PRSS56: variants seen among roughly 807,000 people sequenced by gnomAD.
PRSS56 encodes the protein protease, serine 56.
Under a neutral mutation model 66.8 loss-of-function variants are expected in PRSS56, and 55 were observed. That is an observed-to-expected ratio of 0.82 (90% confidence interval 0.66 to 1.03). The LOEUF is 1.03. Ranked by LOEUF, PRSS56 falls within the 50% of genes least tolerant of loss-of-function variation. The probability of loss-of-function intolerance (pLI) is 0.00; values close to 1 mark genes in which losing one functional copy is unlikely to be tolerated. For synonymous variants in PRSS56, 409 were observed against 387.9 expected, an observed-to-expected ratio of 1.05 and a Z score of -0.64; for missense variants, 869 against 837.2, an observed-to-expected ratio of 1.04 and a Z score of -0.47.
rs1691339463 is a variant in PRSS56, at chr2:232,523,886, CCCAGGGCGCCTGTGCGCGCCTGGCGCA to C, written c.1132_1158del (p.Gly378_Gln386del). ...TTCTATGCCCGCCTGTGCCCGGGGT[CCCAGGGCGCCTGTGCGCGCCTGGCGCA>C]CCAGCAGTGCCTGCAGCGCCGGCGG... is the stretch of plus-strand genomic sequence containing the variant. On this transcript the variant is annotated inframe_deletion, in exon 9 of 13. Transcript: ENST00000617714. 3 of 1,525,310 alleles carry C rather than the reference CCCAGGGCGCCTGTGCGCGCCTGGCGCA, an allele frequency of 2.0e-6. No individual in the cohort carries two copies. Among genetic ancestry groups the C allele is most frequent in the Non-Finnish European group, 2.6e-6 (3 of 1,141,514 alleles). The allele number at this position is 1,525,310 out of a possible 1,614,324, so 94.5% of individuals were successfully genotyped here.
Position 232,523,181 on chromosome 2 carries a change from G to A in PRSS56, c.828G>A (p.Ala276=), listed in dbSNP as rs1452035446. 1 of 1,481,844 alleles carries A rather than the reference G, an allele frequency of 6.7e-7. No individual in the cohort carries two copies. Among genetic ancestry groups the A allele is most frequent in the African/African-American group, 1.4e-5 (1 of 70,978 alleles). 91.8% of individuals were successfully genotyped at this position (1,481,844 alleles called of 1,614,324 possible). A position where few individuals can be genotyped will look rare whatever the true frequency, so the allele number is the denominator to read the frequency against. The change falls in exon 7 of 13, where the codon GCG becomes GCA. Residue 276 remains alanine, a synonymous_variant. Transcript: ENST00000617714. ...CCATGCTCTGCGCCGGGTACCTGGC[G>A]GGGGGCGTTGACTCGTGCCAGGTAT... The part of the protein sequence containing the change: ...PSTMLCAGYL[A]GGVDSCQGDS...
chr2:232,524,053 G>A lies in PRSS56; in HGVS notation c.1201G>A (p.Ala401Thr). Reference sequence around the variant, plus strand: ...CCGGTCCGCAGAGCTGCGCTCGCTGGCGCACACGCTGCTGGGCCTGCTGCG... The same window carrying A: ...CCGGTCCGCAGAGCTGCGCTCGCTGACGCACACGCTGCTGGGCCTGCTGCG... ...RRRRCELRSL[A>T]HTLLGLLRNA... Residue 401 changes from alanine (A) to threonine (T), a missense_variant, in exon 10 of 13, where the codon GCG (alanine) becomes ACG (threonine). Transcript: ENST00000617714. The A allele has an allele frequency of 6.6e-7, 1 of 1,524,576 alleles. No individual in the cohort carries two copies. The highest frequency in any genetic ancestry group is 2.5e-5 in the East Asian group (1 of 39,486). 94.4% of individuals were successfully genotyped at this position (1,524,576 alleles called of 1,614,324 possible).
chr2:232,522,341 G>C (rs1308133674), intron 4 of PRSS56, among the ~76,000 whole-genome samples, 174 bp from the exon 5 acceptor site: 2 of 152,240 alleles, frequency 1.3e-5, no homozygotes, highest in East Asian at 1.9e-4. Flanking sequence ...CAGCCCGGAG[G>C]GGGTGGCACG....
At chr2:232,524,658 C>T in intron 11 of PRSS56, 80 bp from the exon 12 acceptor site, 1 of 1,019,196 alleles carries the variant, frequency 9.8e-7, no homozygotes, top group South Asian at 1.6e-5. Flanking sequence ...GGAGGCCATC[C>T]TGAGGTGCTG....
At position 232,524,745 on chromosome 2, in the gene PRSS56, TG is replaced by T; in HGVS notation, c.1425del (p.Leu476TrpfsTer28). ...EPRGEANGCP[G>X]LEPLRQKLAA... is the part of the protein sequence containing the mutation. ...CCTCTCCTCTTCCTCCAGGCTGCCC[TG>T]GGCTGGAGCCCCTGCGACAGAAGTT... On this transcript the variant is annotated frameshift_variant, in exon 12 of 13. Coordinates refer to ENST00000617714, the MANE Select transcript of PRSS56 (RefSeq NM_001195129.2). LOFTEE classifies it high-confidence loss of function. The T allele has an allele frequency of 6.6e-7, 1 of 1,524,232 alleles. No homozygotes were observed. Among genetic ancestry groups the T allele is most frequent in the Non-Finnish European group, 8.8e-7 (1 of 1,137,812 alleles). The allele number at this position is 1,524,232 out of a possible 1,614,324, so 94.4% of individuals were successfully genotyped here.
rs144014895 is a variant in PRSS56 at position 232,520,500 on chromosome 2, G to T, written c.-99G>T. On this transcript the variant is annotated 5_prime_UTR_variant, in exon 1 of 13. Coordinates refer to ENST00000617714, the MANE Select transcript of PRSS56 (RefSeq NM_001195129.2). ...GACAAGAATTCAGTGCCCGGGGGCCGAAAGGCAGCAGAAGGCGGGCACCAA... is the reference window on the plus strand; with the variant it reads ...GACAAGAATTCAGTGCCCGGGGGCCTAAAGGCAGCAGAAGGCGGGCACCAA... 2.5e-5 allele frequency: 24 copies of T among 963,580 alleles called. No individual in the cohort carries two copies. In the South Asian group the frequency reaches 3.2e-4, roughly 13 times the overall value. 59.7% of individuals were successfully genotyped at this position (963,580 alleles called of 1,614,324 possible).
chr2:232,520,658 C>T lies in PRSS56; in HGVS notation c.60C>T (p.His20=), dbSNP rs1166722579. ...CAAGCTCATGGTTTGCCCACGGGCA[C>T]CCACTGTACACACGCCTGCCCCCCA... ...PLPSSWFAHG[H]PLYTRLPPSA... The change falls in exon 1 of 13, where the codon CAC becomes CAT. Residue 20 remains histidine, a synonymous_variant. Transcript: ENST00000617714. The T allele has an allele frequency of 6.5e-7, 1 of 1,535,986 alleles. No individual in the cohort carries two copies. Among genetic ancestry groups the T allele is most frequent in the Middle Eastern group, 1.7e-4 (1 of 5,986 alleles).
chr2:232,525,179 G>C, intron 12 of PRSS56, 37 bp from the exon 13 acceptor site: 2 of 1,437,340 alleles, frequency 1.4e-6, no homozygotes, highest in Non-Finnish European at 1.8e-6. Context: ...TCAGGAGTGA[G>C]TTTCTGGGCC....
At chr2:232,521,777 G>C in intron 2 of PRSS56, 39 bp from the exon 3 acceptor site, 1 of 1,532,620 alleles carries the variant, frequency 6.5e-7, no homozygotes, top group Non-Finnish European at 8.7e-7. Context: ...GGACAGGCGA[G>C]AGGGCAGCAG....
chr2:232,521,773 G>A (rs1295414410), intron 2 of PRSS56, 43 bp from the exon 3 acceptor site: 16 of 1,531,192 alleles, frequency 1.0e-5, no homozygotes, highest in African/African-American at 1.4e-5. Context: ...GTGAGGACAG[G>A]CGAGAGGGCA....
intron 11 of PRSS56, 119 bp downstream of exon 11, chr2:232,524,488 G>T: frequency 1.0e-6 from 1 of 964,732 alleles, no homozygotes; most frequent in South Asian, 1.7e-5. Flanking sequence ...GGGTGGACTC[G>T]TTCTCCCCTC....
In PRSS56 at chr2:232,524,153, C is replaced by A; in HGVS notation, c.1301C>A (p.Ala434Glu). The A allele has an allele frequency of 6.6e-7, 1 of 1,516,240 alleles. No homozygotes were observed. Among genetic ancestry groups the A allele is most frequent in the South Asian group, 1.2e-5 (1 of 81,532 alleles). 93.9% of individuals were successfully genotyped at this position (1,516,240 alleles called of 1,614,324 possible). Residue 434 changes from alanine (A) to glutamate (E), a missense_variant, in exon 10 of 13, where the codon GCG becomes GAG. Ala to Glu is a moderately radical substitution (Grantham distance 107). Transcript: ENST00000617714. ...CCCGCCCTGGCTCTCCCCGCTCCAG[C>A]GCTCAGGGAGTCTCCTCTGCACCCC... Reference protein sequence around the residue: ...LAPALALPAPALRESPLHPAR... With the variant: ...LAPALALPAPELRESPLHPAR...
chr2:232,523,772 C>T lies in PRSS56; in HGVS notation c.1013C>T (p.Ala338Val), dbSNP rs1462608700. Residue 338 changes from alanine (A) to valine (V), a missense_variant and splice_region_variant, in exon 9 of 13, where the codon GCC (alanine) becomes GTC (valine). Around this residue, in one of 3 missense-constraint regions of PRSS56, gnomAD observed 551 missense variants for 506.9 expected, o/e 1.09. Transcript: ENST00000617714. ...CTGACCCCTGTCCCGCCCGCAGCAG[C>T]CTCCTCCAGCCGCGAGCCCAGCTGC... Reference protein sequence around the residue: ...FKDWLQEQMSASSSREPSCRE... With the variant: ...FKDWLQEQMSVSSSREPSCRE... 3.9e-6 allele frequency: 6 copies of T among 1,534,012 alleles called. No homozygotes were observed. Among genetic ancestry groups the T allele is most frequent in the Non-Finnish European group, 5.2e-6 (6 of 1,146,722 alleles).
chr2:232,521,467 C>A, intron 2 of PRSS56, 39 bp downstream of exon 2: 1 of 1,460,220 alleles, frequency 6.8e-7, no homozygotes, highest in Non-Finnish European at 9.3e-7. Flanking sequence ...GAGCTTGCTG[C>A]CTACCCTGGG....
At chr2:232,523,006 C>A in intron 6 of PRSS56, 54 bp from the exon 7 acceptor site, 3 of 1,518,416 alleles carry the variant, frequency 2.0e-6, no homozygotes, top group South Asian at 1.2e-5. Flanking sequence ...GAAGGGGACC[C>A]TCAAGGCGGG....
At chr2:232,523,228 G>C in intron 7 of PRSS56, 26 bp downstream of exon 7, 3 of 1,429,186 alleles carry the variant, frequency 2.1e-6, no homozygotes, top group Non-Finnish European at 2.7e-6. Context: ...GATGAGAAAA[G>C]GCCGGCTGAG....
rs371074597 is a variant in PRSS56 at position 232,524,421 on chromosome 2, C to A, written c.1414+52C>A. The A allele has an allele frequency of 4.5e-4, 685 of 1,508,250 alleles. 8 individuals carry two copies. In the East Asian group the frequency reaches 0.015, roughly 34 times the overall value. 93.4% of individuals were successfully genotyped at this position (1,508,250 alleles called of 1,614,324 possible). A position where few individuals can be genotyped will look rare whatever the true frequency, so the allele number is the denominator to read the frequency against. ...GGAGGGGATAGGCTGAGGGCCTGGA[C>A]GAGGTCGGAAGCGCTTCTACTGCAG... On this transcript the variant is annotated intron_variant, in intron 11 of 12. Coordinates refer to ENST00000617714, the MANE Select transcript of PRSS56 (RefSeq NM_001195129.2).
In PRSS56 at chr2:232,521,869, G is replaced by A. The variant is rs1691284502; in HGVS notation, c.256+3G>A. 2.6e-6 allele frequency: 4 copies of A among 1,535,632 alleles called. No individual in the cohort carries two copies. Among genetic ancestry groups the A allele is most frequent in the East Asian group, 2.4e-5 (1 of 40,890 alleles). On this transcript the variant is annotated splice_donor_region_variant and intron_variant, in intron 3 of 12. Coordinates refer to ENST00000617714, the MANE Select transcript of PRSS56 (RefSeq NM_001195129.2). ...CCTCCAGGACCCACCTGAGCCAGGT[G>A]AGGTTGAAAAGGCTCGAGGGGGCAG...
In PRSS56 at chr2:232,523,803, G is replaced by A; in HGVS notation, c.1044G>A (p.Glu348=). The change falls in exon 9 of 13, where the codon GAG becomes GAA. Residue 348 remains glutamate (E), a synonymous_variant. Coordinates refer to ENST00000617714, the MANE Select transcript of PRSS56 (RefSeq NM_001195129.2). The stretch of plus-strand genomic sequence containing the variant: ...CCAGCCGCGAGCCCAGCTGCAGGGA[G>A]CTTCTGGCCTGGGACCCCCCCCAGG... ...ASSSREPSCR[E]LLAWDPPQEL... is the part of the protein sequence containing the mutation. 6.5e-7 allele frequency: 1 copy of A among 1,533,886 alleles called. No homozygotes were observed. The highest frequency in any genetic ancestry group is 8.7e-7 in the Non-Finnish European group (1 of 1,146,638).
Sources: gnomAD v4.1 joint callset for allele counts (sites outside exome capture counted in the v4.1 genomes callset) on GRCh38, gnomAD v4.1.1 for gene constraint, gnomAD v4.1.1 regional missense constraint, MANE v1.5 for transcripts, NCBI Gene and HGNC (gene_info 2026-07-23, HGNC 2026-07-21) for gene names.